Variants in CPLX1 observed in about 807,000 individuals in gnomAD.
CPLX1 encodes the protein complexin 1, also known as complexin-1.
In CPLX1, 6 loss-of-function variants were observed where a neutral mutation model predicts 15.6. The ratio of observed to expected loss-of-function variants is 0.39; its 90% CI spans 0.21 to 0.76. The LOEUF (loss-of-function observed/expected upper bound fraction) is 0.76, where lower values mean the gene tolerates loss of function less well. Ranked by LOEUF, CPLX1 falls within the 30% of genes least tolerant of loss-of-function variation. CPLX1 has a pLI of 0.43. For synonymous variants in CPLX1, 91 were observed against 75.2 expected, an observed-to-expected ratio of 1.21 and a Z score of -1.08; for missense variants, 242 against 188.6, an observed-to-expected ratio of 1.28 and a Z score of -1.66.
chr4:793,292 C>T (rs935652373), intron 2 of CPLX1, among the ~76,000 whole-genome samples: 2 of 151,624 alleles, frequency 1.3e-5, no homozygotes, highest in African/African-American at 4.9e-5. Flanking sequence ...GGCAGGGGCC[C>T]TGCTGGGGCA....
chr4:815,650 C>G (rs1746739001), intron 2 of CPLX1, among the ~76,000 whole-genome samples: 1 of 152,270 alleles, frequency 6.6e-6, no homozygotes, highest in Non-Finnish European at 1.5e-5. Context: ...CTGAGTGGGG[C>G]AGCTTAAGAA....
intron 2 of CPLX1, among the ~76,000 whole-genome samples, chr4:809,621 CTT>C (rs1484753781): frequency 1.3e-5 from 2 of 152,236 alleles, no homozygotes; most frequent in African/African-American, 2.4e-5. Flanking sequence ...CAGAACCCAA[CTT>C]TTAAACAGCT....
intron 2 of CPLX1, 102 bp from the exon 3 acceptor site, chr4:792,710 C>T (rs1746221691): frequency 1.5e-6 from 2 of 1,313,436 alleles, no homozygotes; most frequent in African/African-American, 1.5e-5. Flanking sequence ...CCCCCAAACC[C>T]TCCATCCACT....
chr4:799,858 G>T (rs903552316), intron 2 of CPLX1, among the ~76,000 whole-genome samples: 1 of 152,036 alleles, frequency 6.6e-6, no homozygotes, highest in Non-Finnish European at 1.5e-5. Flanking sequence ...GGCAGGCTCC[G>T]TCTCAAAAAA....
chr4:817,207 A>T (rs1272014732), intron 2 of CPLX1, among the ~76,000 whole-genome samples: 1 of 151,602 alleles, frequency 6.6e-6, no homozygotes, highest in African/African-American at 2.4e-5. Flanking sequence ...AGTGACAGAA[A>T]CGTTAAGCAA....
In CPLX1 at chr4:788,197, C is replaced by T. The variant is rs978484103; in HGVS notation, c.208-1499G>A. On this transcript the variant is annotated intron_variant, in intron 3 of 3. Transcript: ENST00000304062. ...CCCCATAGAAGCAGTTGGTTCTGCT[C>T]CTGGTGCTGGGCACCCCCTGGATCT... 13 of 985,200 alleles carry T rather than the reference C, an allele frequency of 1.3e-5. No homozygotes were observed. In the East Asian group the frequency reaches 4.5e-4, roughly 34 times the overall value. The allele number at this position is 985,200 out of a possible 1,614,324, so 61.0% of individuals were successfully genotyped here.
intron 2 of CPLX1, among the ~76,000 whole-genome samples, chr4:808,615 C>T (rs1265021269): frequency 6.6e-6 from 1 of 152,280 alleles, no homozygotes; most frequent in East Asian, 1.9e-4. Flanking sequence ...GGTCTTGAAC[C>T]TCCCATAAAA....
At chr4:798,361 G>A (rs932678132) in intron 2 of CPLX1, among the ~76,000 whole-genome samples, 4 of 151,682 alleles carry the variant, frequency 2.6e-5, no homozygotes, top group African/African-American at 4.8e-5. Flanking sequence ...ATTGTCAATC[G>A]ATTTTTGACA....
At chr4:818,333 T>G (rs1412101859) in intron 2 of CPLX1, among the ~76,000 whole-genome samples, 1 of 152,214 alleles carries the variant, frequency 6.6e-6, no homozygotes, top group Non-Finnish European at 1.5e-5. Context: ...TTTGTCAAGC[T>G]GATTGTGGAC....
chr4:812,213 T>C (rs1267302234), intron 2 of CPLX1, among the ~76,000 whole-genome samples: 1 of 152,152 alleles, frequency 6.6e-6, no homozygotes, highest in African/African-American at 2.4e-5. Flanking sequence ...TAGCTGGGAC[T>C]ACAGGCGCCC....
intron 2 of CPLX1, among the ~76,000 whole-genome samples, chr4:812,994 C>T (rs375111074): frequency 3.9e-5 from 6 of 151,984 alleles, no homozygotes; most frequent in Non-Finnish European, 8.8e-5. Context: ...AGGCTGGGAG[C>T]GGTGGCTCAC....
intron 2 of CPLX1, among the ~76,000 whole-genome samples, chr4:804,241 C>T (rs763372982): frequency 3.9e-5 from 6 of 152,228 alleles, no homozygotes; most frequent in Non-Finnish European, 7.3e-5. Flanking sequence ...TCTCTCCCAC[C>T]TCTCTTCCTG....
chr4:797,997 A>G (rs1746377510), intron 2 of CPLX1, among the ~76,000 whole-genome samples: 1 of 151,614 alleles, frequency 6.6e-6, no homozygotes, highest in South Asian at 2.1e-4. Flanking sequence ...CATATAGGCC[A>G]GGCACAGTGG....
intron 2 of CPLX1, 138 bp downstream of exon 2, chr4:824,354 C>A: frequency 1.3e-6 from 1 of 786,572 alleles, no homozygotes; most frequent in Non-Finnish European, 2.1e-6. Flanking sequence ...CTCCTCTGCC[C>A]CAGGCTCCTG....
At chr4:818,164 C>G (rs1746795865) in intron 2 of CPLX1, among the ~76,000 whole-genome samples, 1 of 152,242 alleles carries the variant, frequency 6.6e-6, no homozygotes, top group Non-Finnish European at 1.5e-5. Context: ...CCCAGTGCAG[C>G]TGAGCACAGG....
At chr4:807,320 A>G (rs973479457) in intron 2 of CPLX1, among the ~76,000 whole-genome samples, 2 of 152,172 alleles carry the variant, frequency 1.3e-5, no homozygotes, top group African/African-American at 4.8e-5. Context: ...ACTGGGGCCT[A>G]TGGAGCAGGG....
intron 2 of CPLX1, chr4:804,966 G>A (rs1746528025): frequency 1.0e-6 from 1 of 983,608 alleles, no homozygotes. Flanking sequence ...CCACTCCTGC[G>A]CGGCGGCCGG....
chr4:790,287 C>T (rs1318673742), intron 3 of CPLX1, among the ~76,000 whole-genome samples: 1 of 152,190 alleles, frequency 6.6e-6, no homozygotes, highest in African/African-American at 2.4e-5. Context: ...TCAATCCCTG[C>T]CACCTGCTGT....
At chr4:802,019 T>C (rs1229002105) in intron 2 of CPLX1, among the ~76,000 whole-genome samples, 1 of 152,208 alleles carries the variant, frequency 6.6e-6, no homozygotes, top group African/African-American at 2.4e-5. Flanking sequence ...CAACTGAACA[T>C]GCCACCAAAT....
Sources: gnomAD v4.1 joint callset for allele counts (sites outside exome capture counted in the v4.1 genomes callset) on GRCh38, gnomAD v4.1.1 for gene constraint, MANE v1.5 for transcripts, NCBI Gene and HGNC (gene_info 2026-07-23, HGNC 2026-07-21) for gene names.